EFR3A: variants seen among roughly 807,000 people sequenced by gnomAD.
EFR3A encodes the protein EFR3 homolog A.
EFR3A carries 76 observed loss-of-function variants against 104.4 expected under a neutral mutation model. That is an observed-to-expected ratio of 0.73 (90% CI 0.60 to 0.88). The LOEUF is 0.88. Among genes scored for constraint, EFR3A ranks in the 40% least tolerant of loss-of-function variants. The pLI is 0.00. For missense variants in EFR3A, 985 were observed against 1,012.5 expected (o/e 0.97, Z 0.37); for synonymous variants, 330 against 330.0 (o/e 1.00, Z 0.00).
At chr8:132,008,931 TG>T (rs1822185084) in intron 22 of EFR3A, among the ~76,000 whole-genome samples, 1 of 150,290 alleles carries the variant, frequency 6.7e-6, no homozygotes, top group Non-Finnish European at 1.5e-5. Context: ...TTTACATGAG[TG>T]TATACATTTG....
At chr8:131,968,231 CT>C (rs1819861533) in intron 8 of EFR3A, 63 bp from the exon 9 acceptor site, 2 of 1,492,406 alleles carry the variant, frequency 1.3e-6, no homozygotes, top group Non-Finnish European at 1.8e-6. Flanking sequence ...TTTTTTTATT[CT>C]TAGGAATTCT....
At position 131,970,625 on chromosome 8, in the gene EFR3A, G is replaced by A; in HGVS notation, c.1141G>A (p.Ala381Thr). Reference sequence around the variant, plus strand: ...CAATGATGAGAAGATTGTGCAGAATGCTATCATCCAAACAATAGGTGAGTA... The same window carrying A: ...CAATGATGAGAAGATTGTGCAGAATACTATCATCCAAACAATAGGTGAGTA... The part of the protein sequence containing the change: ...KDNDEKIVQN[A>T]IIQTIGFFGS... The change falls in exon 10 of 23, where the codon GCT becomes ACT. Residue 381 changes from alanine to threonine, a missense_variant. Transcript: ENST00000254624. 6.2e-7 allele frequency: 1 copy of A among 1,613,432 alleles called. No individual in the cohort carries two copies. The highest frequency in any genetic ancestry group is 1.3e-5 in the African/African-American group (1 of 75,016).
rs530841293 is a variant in EFR3A at position 131,940,753 on chromosome 8, A to G, written c.87+178A>G. 7 of 1,068,828 alleles carry G rather than the reference A, an allele frequency of 6.5e-6. No homozygotes were observed. In the South Asian group the frequency reaches 1.5e-4, roughly 22 times the overall value. The allele number at this position is 1,068,828 out of a possible 1,614,324, so 66.2% of individuals were successfully genotyped here. On this transcript the variant is annotated intron_variant, in intron 2 of 22. Coordinates refer to ENST00000254624, the MANE Select transcript of EFR3A (RefSeq NM_015137.6). ...TTAAATGACCCATGCTTGCTTGTCTAGTTTTCAGATCCTTTTAGTAGATTA... is the reference window on the plus strand; with the variant it reads ...TTAAATGACCCATGCTTGCTTGTCTGGTTTTCAGATCCTTTTAGTAGATTA...
intron 1 of EFR3A, among the ~76,000 whole-genome samples, chr8:131,921,553 T>C (rs1817027599): frequency 6.6e-6 from 1 of 152,166 alleles, no homozygotes; most frequent in Non-Finnish European, 1.5e-5. Flanking sequence ...ACTTACAACA[T>C]TTTCATTTTT....
chr8:131,921,402 A>G (rs1039072437), intron 1 of EFR3A, among the ~76,000 whole-genome samples: 1 of 152,154 alleles, frequency 6.6e-6, no homozygotes, highest in African/African-American at 2.4e-5. Context: ...TAACTTGATT[A>G]CTACTGCAAA....
chr8:131,986,276 T>TC lies in EFR3A; in HGVS notation c.1937+15_1937+16insC. The TC allele has an allele frequency of 6.9e-7, 1 of 1,439,924 alleles. No homozygotes were observed. Among genetic ancestry groups the TC allele is most frequent in the Non-Finnish European group, 9.7e-7 (1 of 1,032,290 alleles). 89.2% of individuals were successfully genotyped at this position (1,439,924 alleles called of 1,614,324 possible). A position where few individuals can be genotyped will look rare whatever the true frequency, so the allele number is the denominator to read the frequency against. ...GATAAGTGCATGTATGTTAATTCTT[T>TC]ACATTTTAAGGATGGGGTACTGACT... On this transcript the variant is annotated intron_variant, in intron 17 of 22. Transcript: ENST00000254624.
intron 1 of EFR3A, among the ~76,000 whole-genome samples, chr8:131,918,604 G>A (rs4593525): frequency 0.39 from 58,973 of 151,930 alleles, 11,780 homozygotes; most frequent in East Asian, 0.61. Flanking sequence ...ACTGCTACTT[G>A]TCTTTTCAGT....
chr8:131,962,908 A>C (rs1819464065), intron 8 of EFR3A, among the ~76,000 whole-genome samples: 1 of 152,240 alleles, frequency 6.6e-6, no homozygotes, highest in African/African-American at 2.4e-5. Flanking sequence ...ACTCAGGATT[A>C]AGAAACTCAC....
At chr8:131,952,286 T>G (rs1818746307) in intron 5 of EFR3A, among the ~76,000 whole-genome samples, 2 of 152,166 alleles carry the variant, frequency 1.3e-5, no homozygotes, top group Admixed American at 6.6e-5. Flanking sequence ...AACATTTCTA[T>G]GCTGTAGATG....
At chr8:131,928,355 A>G (rs886702294) in intron 1 of EFR3A, among the ~76,000 whole-genome samples, 1 of 151,846 alleles carries the variant, frequency 6.6e-6, no homozygotes. Flanking sequence ...ACATTATACA[A>G]TTTTTTTCTT....
chr8:131,914,686 G>A (rs777943518), intron 1 of EFR3A, among the ~76,000 whole-genome samples: 1 of 152,004 alleles, frequency 6.6e-6, no homozygotes, highest in Non-Finnish European at 1.5e-5. Flanking sequence ...TTACAGGTTA[G>A]TTAATAGGTA....
chr8:132,010,699 C>G, intron 22 of EFR3A, 91 bp from the exon 23 acceptor site: 2 of 1,452,598 alleles, frequency 1.4e-6, no homozygotes, highest in Middle Eastern at 3.6e-4. Flanking sequence ...AGGAGTCTGA[C>G]TTTGATATTC....
intron 19 of EFR3A, 121 bp downstream of exon 19, chr8:131,996,618 A>G (rs1181552668): frequency 1.8e-6 from 1 of 552,014 alleles, no homozygotes; most frequent in South Asian, 2.6e-5. Context: ...CAAATCAACT[A>G]AATTATTAGT....
At chr8:131,924,191 G>T (rs1817188493) in intron 1 of EFR3A, 1 of 375,336 alleles carries the variant, frequency 2.7e-6, no homozygotes, top group South Asian at 1.9e-5. Flanking sequence ...TATGCCAAAG[G>T]AATTATTTCT....
chr8:131,916,890 G>A (rs1461527652), intron 1 of EFR3A, among the ~76,000 whole-genome samples: 1 of 152,126 alleles, frequency 6.6e-6, no homozygotes, highest in African/African-American at 2.4e-5. Flanking sequence ...AACAATTGTT[G>A]TGTCTCAGCC....
chr8:131,947,243 GT>G (rs1818484879), intron 4 of EFR3A, among the ~76,000 whole-genome samples: 1 of 151,806 alleles, frequency 6.6e-6, no homozygotes, highest in South Asian at 2.1e-4. Flanking sequence ...TCTCATTGTG[GT>G]TTTGATTTTC....
chr8:131,943,496 G>C (rs1372166685), intron 2 of EFR3A, among the ~76,000 whole-genome samples: 1 of 152,028 alleles, frequency 6.6e-6, no homozygotes, highest in African/African-American at 2.4e-5. Context: ...CCAGATCATG[G>C]AACTGTGTGT....
intron 1 of EFR3A, among the ~76,000 whole-genome samples, chr8:131,919,180 C>T (rs1327162622): frequency 6.6e-6 from 1 of 151,738 alleles, no homozygotes. Flanking sequence ...GGACAATAGG[C>T]TAGTAGAATT....
intron 22 of EFR3A, among the ~76,000 whole-genome samples, chr8:132,009,093 A>G (rs1434156157): frequency 7.9e-5 from 12 of 152,008 alleles, no homozygotes; most frequent in Admixed American, 7.2e-4. Flanking sequence ...ATATAAGAAA[A>G]CCAACTGAAT....
Sources: allele counts gnomAD v4.1 joint callset (sites outside exome capture counted in the v4.1 genomes callset), GRCh38; gene constraint gnomAD v4.1.1; transcripts MANE v1.5; gene names NCBI Gene and HGNC (gene_info 2026-07-23, HGNC 2026-07-21).